Variants in SUPT20HL2 observed in about 807,000 individuals in gnomAD.
SUPT20HL2 encodes the protein SUPT20H like 2.
For missense variants in SUPT20HL2, 288 were observed against 127.4 expected (o/e 2.26, Z -6.07); for synonymous variants, 125 against 51.6 (o/e 2.42, Z -6.10).
In SUPT20HL2 at chrX:24,312,858, C is replaced by G; in HGVS notation, c.458G>C (p.Ser153Thr). ...TTGGTAACCAGGAGGTTGCATATTACTGGACTGCCTGTAGTCACGAACTTC... is the reference window on the plus strand; with the variant it reads ...TTGGTAACCAGGAGGTTGCATATTAGTGGACTGCCTGTAGTCACGAACTTC... ...IVEVRDYRQS[S>T]NMQPPGYQSR... The change falls in exon 1 of 1, where the codon AGT becomes ACT. Residue 153 changes from serine (S) to threonine (T), a missense_variant. Transcript: ENST00000486479. 1 of 385,173 alleles carries G rather than the reference C, an allele frequency of 2.6e-6. No individual in the cohort carries two copies. Among genetic ancestry groups the G allele is most frequent in the Non-Finnish European group, 5.2e-6 (1 of 192,195 alleles). The allele number at this position is 385,173 out of a possible 1,213,427, so 31.7% of individuals were successfully genotyped here.
rs773310961 is a variant in SUPT20HL2 at position 24,311,803 on chromosome X, G to C, written c.1513C>G (p.Pro505Ala). The change falls in exon 1 of 1, where the codon CCT becomes GCT. Residue 505 changes from proline to alanine, a missense_variant. Transcript: ENST00000486479. ...AAAPAVAAAA[P>A]APAPAPAAAP... is the part of the protein sequence containing the mutation. ...GCAGCAGGAGCAGGAGCAGGAGCAG[G>C]AGCAGCAGCAGCTACAGCAGGAGCA... The C allele has an allele frequency of 1.8e-3, 597 of 335,236 alleles. No homozygotes were observed. Among genetic ancestry groups the C allele is most frequent in the Non-Finnish European group, 2.1e-3 (352 of 167,107 alleles). The allele number at this position is 335,236 out of a possible 1,213,427, so 27.6% of individuals were successfully genotyped here.
rs776353199 is a variant in SUPT20HL2 at position 24,313,442 on chromosome X, A to T, written c.-127T>A. ...GCCGCAAGTCCACACTGAGTTCAAC[A>T]CGGGCACCTGCCCAGAAACCCGCCC... On this transcript the variant is annotated 5_prime_UTR_variant, in exon 1 of 1. Transcript: ENST00000486479. 2.9e-6 allele frequency: 1 copy of T among 341,930 alleles called. No individual in the cohort carries two copies. The highest frequency in any genetic ancestry group is 5.8e-6 in the Non-Finnish European group (1 of 173,278). The allele number at this position is 341,930 out of a possible 1,213,427, so 28.2% of individuals were successfully genotyped here.
In SUPT20HL2 at chrX:24,312,616, G is replaced by A. The variant is rs1434114458; in HGVS notation, c.700C>T (p.Pro234Ser). Residue 234 changes from proline (P) to serine (S), a missense_variant, in exon 1 of 1, where the codon CCG (proline) becomes TCG (serine). Coordinates refer to ENST00000486479, the MANE Select transcript of SUPT20HL2 (RefSeq NM_001136233.3). Reference sequence around the variant, plus strand: ...TACCTCTGGAGGCACTGTTCCATCGGGTCGGTATTCATCTTTTGCTTGTTG... The same window carrying A: ...TACCTCTGGAGGCACTGTTCCATCGAGTCGGTATTCATCTTTTGCTTGTTG... ...LYNKQKMNTDPMEQCLQRYSW... is the reference protein window; with the variant it reads ...LYNKQKMNTDSMEQCLQRYSW... 1 of 385,164 alleles carries A rather than the reference G, an allele frequency of 2.6e-6. No individual in the cohort carries two copies. The highest frequency in any genetic ancestry group is 5.2e-6 in the Non-Finnish European group (1 of 192,374). 31.7% of individuals were successfully genotyped at this position (385,164 alleles called of 1,213,427 possible).
chrX:24,313,879 C>G lies in SUPT20HL2; in HGVS notation c.-564G>C, dbSNP rs375751560. The G allele has an allele frequency of 1.2e-4, 45 of 365,398 alleles. No individual in the cohort carries two copies. The highest frequency in any genetic ancestry group is 9.5e-4 in the African/African-American group (35 of 36,966). The allele number at this position is 365,398 out of a possible 1,213,427, so 30.1% of individuals were successfully genotyped here. On this transcript the variant is annotated 5_prime_UTR_variant, in exon 1 of 1. Transcript: ENST00000486479. ...GGGTCGTCGTCGTGGTCGGACTTCG[C>G]GTCTCTGCGGCCTGGAACGGAAGTG...
Position 24,309,672 on chromosome X carries a change from T to A in SUPT20HL2, c.*1190A>T, listed in dbSNP as rs1602047891. On this transcript the variant is annotated 3_prime_UTR_variant, in exon 1 of 1. Coordinates refer to ENST00000486479, the MANE Select transcript of SUPT20HL2 (RefSeq NM_001136233.3). ...TGCACATGTACCCTAAAACTTAGAGTATAATAAAAAAAAAAAAATTAAAAA... is the reference window on the plus strand; with the variant it reads ...TGCACATGTACCCTAAAACTTAGAGAATAATAAAAAAAAAAAAATTAAAAA... Among the ~76,000 whole-genome samples, 14 of 40,222 alleles carry A rather than the reference T, an allele frequency of 3.5e-4. 1 individual carries two copies. Among genetic ancestry groups the A allele is most frequent in the East Asian group, 7.6e-4 (1 of 1,324 alleles). The allele number at this position is 40,222 out of a possible 115,157, so 34.9% of individuals were successfully genotyped here. A position where few individuals can be genotyped will look rare whatever the true frequency, so the allele number is the denominator to read the frequency against.
At position 24,309,746 on chromosome X, in the gene SUPT20HL2, G is replaced by GAAAAAAAAAAAAAAAAAAAAAAAA; in HGVS notation, c.*1115_*1116insTTTTTTTTTTTTTTTTTTTTTTTT. ...AAAATAATAAAAATAAAAAAAAAAA[G>GAAAAAAAAAAAAAAAAAAAAAAAA]AAAAAAAAAAAAAAAAAAAAAAACA... On this transcript the variant is annotated 3_prime_UTR_variant, in exon 1 of 1. Transcript: ENST00000486479. Among the ~76,000 whole-genome samples, 11 of 21,787 alleles carry GAAAAAAAAAAAAAAAAAAAAAAAA rather than the reference G, an allele frequency of 5.0e-4. No homozygotes were observed. The highest frequency in any genetic ancestry group is 8.8e-4 in the Admixed American group (1 of 1,132). The allele number at this position is 21,787 out of a possible 115,157, so 18.9% of individuals were successfully genotyped here. A position where few individuals can be genotyped will look rare whatever the true frequency, so the allele number is the denominator to read the frequency against.
rs1939106909 is a variant in SUPT20HL2 at position 24,309,842 on chromosome X, T to C, written c.*1020A>G. On this transcript the variant is annotated 3_prime_UTR_variant, in exon 1 of 1. Transcript: ENST00000486479. ...GGAGCACTAGGTGCAGACAGGGCCT[T>C]TGAAAGGGCAGGGGACTGTCACACA... Among the ~76,000 whole-genome samples, 1 of 105,266 alleles carries C rather than the reference T, an allele frequency of 9.5e-6. No homozygotes were observed. Among genetic ancestry groups the C allele is most frequent in the Non-Finnish European group, 1.9e-5 (1 of 51,558 alleles). The allele number at this position is 105,266 out of a possible 115,157, so 91.4% of individuals were successfully genotyped here. A position where few individuals can be genotyped will look rare whatever the true frequency, so the allele number is the denominator to read the frequency against.
chrX:24,311,315 G>C lies in SUPT20HL2; in HGVS notation c.2001C>G (p.Ser667=), dbSNP rs753295301. ...WAVLTGPQQQ[S]HQLVSLQQLQ... is the part of the protein sequence containing the mutation. Reference sequence around the variant, plus strand: ...GCTGCTGCAGGGAAACCAGCTGATGGGACTGCTGCTGCGGGCCGGTCAGAA... The same window carrying C: ...GCTGCTGCAGGGAAACCAGCTGATGCGACTGCTGCTGCGGGCCGGTCAGAA... The change falls in exon 1 of 1, where the codon TCC becomes TCG. Residue 667 remains serine (S), a synonymous_variant. Coordinates refer to ENST00000486479, the MANE Select transcript of SUPT20HL2 (RefSeq NM_001136233.3). 2 of 387,682 alleles carry C rather than the reference G, an allele frequency of 5.2e-6. No individual in the cohort carries two copies. The highest frequency in any genetic ancestry group is 1.5e-4 in the East Asian group (2 of 13,428). The allele number at this position is 387,682 out of a possible 1,213,427, so 31.9% of individuals were successfully genotyped here.
chrX:24,314,055 T>C lies in SUPT20HL2; in HGVS notation c.-740A>G, dbSNP rs1939162837. On this transcript the variant is annotated 5_prime_UTR_variant, in exon 1 of 1. Transcript: ENST00000486479. ...GTGGCCTGGGCTTCGCGTCTCTGAG[T>C]GCTGCACCGGAAATGAACGGGAGGG... 1 of 361,973 alleles carries C rather than the reference T, an allele frequency of 2.8e-6. No individual in the cohort carries two copies. Among genetic ancestry groups the C allele is most frequent in the Non-Finnish European group, 5.4e-6 (1 of 185,970 alleles). The allele number at this position is 361,973 out of a possible 1,213,427, so 29.8% of individuals were successfully genotyped here.
In SUPT20HL2 at chrX:24,308,371, G is replaced by A; in HGVS notation, c.*2491C>T. ...GGTGACATACTGAATTCAGGTCACTGCTTAGCTCCGAAGGCCATGCATAAA... is the reference window on the plus strand; with the variant it reads ...GGTGACATACTGAATTCAGGTCACTACTTAGCTCCGAAGGCCATGCATAAA... On this transcript the variant is annotated 3_prime_UTR_variant, in exon 1 of 1. Coordinates refer to ENST00000486479, the MANE Select transcript of SUPT20HL2 (RefSeq NM_001136233.3). 1 of 366,295 alleles carries A rather than the reference G, an allele frequency of 2.7e-6. No individual in the cohort carries two copies. The highest frequency in any genetic ancestry group is 5.3e-6 in the Non-Finnish European group (1 of 187,881). The allele number at this position is 366,295 out of a possible 1,213,427, so 30.2% of individuals were successfully genotyped here.
In SUPT20HL2 at chrX:24,308,343, T is replaced by G. The variant is rs761059855; in HGVS notation, c.*2519A>C. 5.4e-6 allele frequency: 2 copies of G among 373,384 alleles called. No homozygotes were observed. The highest frequency in any genetic ancestry group is 1.5e-4 in the East Asian group (2 of 13,381). The allele number at this position is 373,384 out of a possible 1,213,427, so 30.8% of individuals were successfully genotyped here. ...CAGGCAAAGGAGAAAGCACACCAAA[T>G]TTGGTGACATACTGAATTCAGGTCA... is the stretch of plus-strand genomic sequence containing the variant. On this transcript the variant is annotated 3_prime_UTR_variant, in exon 1 of 1. Transcript: ENST00000486479.
In SUPT20HL2 at chrX:24,313,723, G is replaced by A. The variant is rs1483942749; in HGVS notation, c.-408C>T. The A allele has an allele frequency of 8.3e-6, 3 of 360,541 alleles. No individual in the cohort carries two copies. The highest frequency in any genetic ancestry group is 5.5e-5 in the African/African-American group (2 of 36,041). The allele number at this position is 360,541 out of a possible 1,213,427, so 29.7% of individuals were successfully genotyped here. ...CGTGGCCCGGGCTTCACGTCTCTGC[G>A]GCCTGGAACAGAAGTGAGCGGGAGG... is the stretch of plus-strand genomic sequence containing the variant. On this transcript the variant is annotated 5_prime_UTR_variant, in exon 1 of 1. Transcript: ENST00000486479.
At position 24,309,733 on chromosome X, in the gene SUPT20HL2, AT is replaced by A. The variant is rs1410294850; in HGVS notation, c.*1128del. 1.9e-3 allele frequency among the ~76,000 whole-genome samples: 117 copies of A among 60,125 alleles called. No homozygotes were observed. The highest frequency in any genetic ancestry group is 2.7e-3 in the African/African-American group (30 of 10,921). 52.2% of individuals were successfully genotyped at this position (60,125 alleles called of 115,157 possible). A position where few individuals can be genotyped will look rare whatever the true frequency, so the allele number is the denominator to read the frequency against. On this transcript the variant is annotated 3_prime_UTR_variant, in exon 1 of 1. Coordinates refer to ENST00000486479, the MANE Select transcript of SUPT20HL2 (RefSeq NM_001136233.3). ...AAAAAAAAAGAAAAAAATAATAAAA[AT>A]AAAAAAAAAAAGAAAAAAAAAAAAA...
In SUPT20HL2 at chrX:24,313,888, G is replaced by A. The variant is rs765102774; in HGVS notation, c.-573C>T. The A allele has an allele frequency of 2.7e-6, 1 of 365,662 alleles. No individual in the cohort carries two copies. The allele number at this position is 365,662 out of a possible 1,213,427, so 30.1% of individuals were successfully genotyped here. A position where few individuals can be genotyped will look rare whatever the true frequency, so the allele number is the denominator to read the frequency against. ...TCGTGGTCGGACTTCGCGTCTCTGC[G>A]GCCTGGAACGGAAGTGAGCGGGAGG... On this transcript the variant is annotated 5_prime_UTR_variant, in exon 1 of 1. Coordinates refer to ENST00000486479, the MANE Select transcript of SUPT20HL2 (RefSeq NM_001136233.3).
rs768475632 is a variant in SUPT20HL2, at chrX:24,311,366, T to C, written c.1950A>G (p.Thr650=). The C allele has an allele frequency of 1.0e-5, 4 of 386,641 alleles. No individual in the cohort carries two copies. In the East Asian group the frequency reaches 3.0e-4, roughly 29 times the overall value. 31.9% of individuals were successfully genotyped at this position (386,641 alleles called of 1,213,427 possible). A position where few individuals can be genotyped will look rare whatever the true frequency, so the allele number is the denominator to read the frequency against. The change falls in exon 1 of 1, where the codon ACA becomes ACG. Residue 650 remains threonine, a synonymous_variant. Transcript: ENST00000486479. ...LNTPEGLRPL[T]LQVPQGWAVL... Reference sequence around the variant, plus strand: ...CCGCCCAGCCCTGCGGAACCTGGAGTGTCAGAGGCCTGAGACCTTCCGGAG... The same window carrying C: ...CCGCCCAGCCCTGCGGAACCTGGAGCGTCAGAGGCCTGAGACCTTCCGGAG...
Position 24,309,879 on chromosome X carries a change from C to T in SUPT20HL2, c.*983G>A, listed in dbSNP as rs1051372930. ...GGGACTGTCACACAAGCAAATCTGC[C>T]ACTAATTCCATTCCACAGCTTTAGA... On this transcript the variant is annotated 3_prime_UTR_variant, in exon 1 of 1. Coordinates refer to ENST00000486479, the MANE Select transcript of SUPT20HL2 (RefSeq NM_001136233.3). Among the ~76,000 whole-genome samples the T allele has an allele frequency of 9.2e-6, 1 of 108,475 alleles. No individual in the cohort carries two copies. Among genetic ancestry groups the T allele is most frequent in the Non-Finnish European group, 1.9e-5 (1 of 52,241 alleles). The allele number at this position is 108,475 out of a possible 115,157, so 94.2% of individuals were successfully genotyped here. A position where few individuals can be genotyped will look rare whatever the true frequency, so the allele number is the denominator to read the frequency against.
rs1174394158 is a variant in SUPT20HL2, at chrX:24,309,259, G to A, written c.*1603C>T. ...AAAGGGAAGACAAAGGGGCACAAAA[G>A]TTCATGGTTCTTTGAGTCTCACTGG... On this transcript the variant is annotated 3_prime_UTR_variant, in exon 1 of 1. Coordinates refer to ENST00000486479, the MANE Select transcript of SUPT20HL2 (RefSeq NM_001136233.3). Among the ~76,000 whole-genome samples, 5 of 110,640 alleles carry A rather than the reference G, an allele frequency of 4.5e-5. No individual in the cohort carries two copies. The highest frequency in any genetic ancestry group is 1.6e-4 in the African/African-American group (5 of 31,114).
Position 24,312,575 on chromosome X carries a change from T to C in SUPT20HL2, c.741A>G (p.Val247=), listed in dbSNP as rs1321273661. The C allele has an allele frequency of 2.6e-6, 1 of 385,659 alleles. No homozygotes were observed. The highest frequency in any genetic ancestry group is 2.6e-5 in the African/African-American group (1 of 39,193). The allele number at this position is 385,659 out of a possible 1,213,427, so 31.8% of individuals were successfully genotyped here. Reference sequence around the variant, plus strand: ...AGTCAGACTGCTCCTGCTGTGGCTTTACAGAGGGCCACGAATACCTCTGGA... The same window carrying C: ...AGTCAGACTGCTCCTGCTGTGGCTTCACAGAGGGCCACGAATACCTCTGGA... ...QCLQRYSWPS[V]KPQQEQSDCP... is the part of the protein sequence containing the mutation. Residue 247 remains valine (V), a synonymous_variant, in exon 1 of 1, where the codon GTA becomes GTG. Transcript: ENST00000486479.
rs772880244 is a variant in SUPT20HL2 at position 24,311,124 on chromosome X, A to T, written c.2192T>A (p.Leu731Gln). 5.4e-6 allele frequency: 2 copies of T among 371,436 alleles called. No individual in the cohort carries two copies. Among genetic ancestry groups the T allele is most frequent in the Non-Finnish European group, 1.1e-5 (2 of 184,794 alleles). 30.6% of individuals were successfully genotyped at this position (371,436 alleles called of 1,213,427 possible). The change falls in exon 1 of 1, where the codon CTG becomes CAG. Residue 731 changes from leucine (L) to glutamine (Q), a missense_variant. Leu to Gln is a moderately radical substitution (Grantham distance 113). Transcript: ENST00000486479. ...CTGAGGAACCTGGGCAGAGCCAAGC[A>T]GACTCAACACAGCAGCCTGGGGCTG... ...QPQPQAAVLSLLGSAQVPQQG... is the reference protein window; with the variant it reads ...QPQPQAAVLSQLGSAQVPQQG...
Sources: allele counts gnomAD v4.1 joint callset (sites outside exome capture counted in the v4.1 genomes callset), GRCh38; gene constraint gnomAD v4.1.1; transcripts MANE v1.5; gene names NCBI Gene and HGNC (gene_info 2026-07-23, HGNC 2026-07-21).